Variants in ARL9 observed in about 807,000 individuals in gnomAD.
ARL9 encodes ARF like GTPase 9.
ARL9 carries 14 observed loss-of-function variants against 27.0 expected under a neutral mutation model. That is an observed-to-expected ratio of 0.52 (90% CI 0.34 to 0.81). ARL9 has a LOEUF of 0.81. Among genes scored for constraint, ARL9 ranks in the 30% least tolerant of loss-of-function variants. ARL9 has a pLI of 0.01. For missense variants in ARL9, 294 were observed against 290.0 expected (o/e 1.01, Z -0.10); for synonymous variants, 106 against 108.7 (o/e 0.98, Z 0.15).
intron 3 of ARL9, 127 bp from the exon 4 acceptor site, chr4:56,523,570 T>A (rs1234685374): frequency 1.4e-6 from 1 of 692,206 alleles, no homozygotes; most frequent in Non-Finnish European, 2.4e-6. Context: ...AATAATGGAG[T>A]CACAATAGCC....
chr4:56,518,461 G>A (rs968976663), intron 2 of ARL9, among the ~76,000 whole-genome samples: 2 of 152,184 alleles, frequency 1.3e-5, no homozygotes, highest in Non-Finnish European at 2.9e-5. Context: ...TTGTGATACA[G>A]TTATGAATGA....
intron 1 of ARL9, among the ~76,000 whole-genome samples, chr4:56,510,087 C>T (rs981152516): frequency 2.2e-4 from 34 of 151,848 alleles, no homozygotes; most frequent in African/African-American, 7.5e-4. Flanking sequence ...AGGCTGGGTG[C>T]GGTGGCTCAT....
intron 1 of ARL9, among the ~76,000 whole-genome samples, chr4:56,510,354 C>CAAAAAAAAAAAAA (rs769085578): frequency 2.7e-5 from 2 of 75,146 alleles, no homozygotes; most frequent in East Asian, 3.5e-4. Context: ...GACTCCAACT[C>CAAAAAAAAAAAAA]AAAAAAAAAA....
At chr4:56,517,621 G>A (rs1278909795) in intron 2 of ARL9, among the ~76,000 whole-genome samples, 2 of 152,000 alleles carry the variant, frequency 1.3e-5, no homozygotes, top group Non-Finnish European at 2.9e-5. Context: ...TACCTAGCGA[G>A]CTGTACAAAA....
intron 3 of ARL9, among the ~76,000 whole-genome samples, chr4:56,519,846 C>T (rs1432793711): frequency 1.3e-5 from 2 of 151,838 alleles, no homozygotes; most frequent in African/African-American, 4.8e-5. Context: ...ACGGTATGCA[C>T]ATGCAAAGGG....
chr4:56,509,850 G>C (rs940989727), intron 1 of ARL9, among the ~76,000 whole-genome samples: 1 of 151,794 alleles, frequency 6.6e-6, no homozygotes, highest in Non-Finnish European at 1.5e-5. Context: ...TGGGACTACA[G>C]GTGCCTGCCA....
At position 56,523,916 on chromosome 4, in the gene ARL9, C is replaced by T; in HGVS notation, c.*40C>T. ...ACTGTGCGGCTCACGACTGAGATGT[C>T]ATCAGTGTTGAATGGCAGGCTTGAA... On this transcript the variant is annotated 3_prime_UTR_variant, in exon 4 of 4. Coordinates refer to ENST00000640821, the MANE Select transcript of ARL9 (RefSeq NM_001363794.2). 6 of 1,560,304 alleles carry T rather than the reference C, an allele frequency of 3.8e-6. No individual in the cohort carries two copies. The highest frequency in any genetic ancestry group is 5.2e-6 in the Non-Finnish European group (6 of 1,152,432).
upstream of ARL9, chr4:56,505,717 C>T (rs549202158): frequency 2.2e-5 from 30 of 1,344,212 alleles, no homozygotes; most frequent in East Asian, 8.2e-4. Flanking sequence ...GGCGGCGGTG[C>T]CGGGGTTGGC....
chr4:56,513,299 G>T (rs1721688677), intron 2 of ARL9, among the ~76,000 whole-genome samples: 1 of 152,186 alleles, frequency 6.6e-6, no homozygotes, highest in Admixed American at 6.5e-5. Context: ...GTTGGGGATT[G>T]GTGGGAGGTG....
At position 56,511,105 on chromosome 4, in the gene ARL9, A is replaced by G; in HGVS notation, c.280-80A>G. ...TTTTATTCTGGTTACAGTTCCAAGA[A>G]TATTATTGGATTCTGCCAAGACCCA... is the stretch of plus-strand genomic sequence containing the variant. On this transcript the variant is annotated intron_variant, in intron 1 of 3. Coordinates refer to ENST00000640821, the MANE Select transcript of ARL9 (RefSeq NM_001363794.2). 3 of 1,328,470 alleles carry G rather than the reference A, an allele frequency of 2.3e-6. No individual in the cohort carries two copies. The South Asian group carries it at 4.8e-5, about 21-fold the overall frequency. The allele number at this position is 1,328,470 out of a possible 1,614,324, so 82.3% of individuals were successfully genotyped here.
chr4:56,516,896 T>G (rs1721781519), intron 2 of ARL9, among the ~76,000 whole-genome samples: 1 of 152,094 alleles, frequency 6.6e-6, no homozygotes, highest in Admixed American at 6.6e-5. Context: ...ACCACTGCCC[T>G]CCAGCCTGGA....
chr4:56,510,799 G>T (rs1291058570), intron 1 of ARL9, among the ~76,000 whole-genome samples: 2 of 148,904 alleles, frequency 1.3e-5, no homozygotes, highest in Admixed American at 6.7e-5. Context: ...TGGAGACAGG[G>T]TCTCACTCTG....
rs192409324 is a variant in ARL9 at position 56,523,715 on chromosome 4, C to T, written c.637C>T (p.His213Tyr). 1.1e-5 allele frequency: 17 copies of T among 1,613,190 alleles called. No individual in the cohort carries two copies. ...ANKQDLEAAYHITDIHEALAL... is the reference protein window; with the variant it reads ...ANKQDLEAAYYITDIHEALAL... ...GATGAAGGATCTTGAAGCAGCCTAT[C>T]ACATTACAGATATCCATGAAGCTTT... Residue 213 changes from histidine (H) to tyrosine (Y), a missense_variant, in exon 4 of 4, where the codon CAC becomes TAC. Physicochemically the swap from His to Tyr is moderately conservative, Grantham distance 83. Transcript: ENST00000640821.
chr4:56,518,973 A>G (rs1267372495), intron 3 of ARL9, 120 bp downstream of exon 3: 1 of 1,011,730 alleles, frequency 9.9e-7, no homozygotes, highest in Non-Finnish European at 1.4e-6. Context: ...TGTTTATTAG[A>G]GCTCTTGGAT....
intron 1 of ARL9, among the ~76,000 whole-genome samples, chr4:56,510,627 A>G (rs1721612041): frequency 6.6e-6 from 1 of 152,192 alleles, no homozygotes; most frequent in South Asian, 2.1e-4. Context: ...TGCTGATAGT[A>G]TAGTATTTAT....
chr4:56,518,632 T>C lies in ARL9; in HGVS notation c.443-46T>C. ...TCCCTGCTCCCTGGGTGGGTGCTTC[T>C]GTGATTTTGTGTGTGTGTGTCTTCT... On this transcript the variant is annotated intron_variant, in intron 2 of 3. Transcript: ENST00000640821. 1.9e-6 allele frequency: 3 copies of C among 1,561,782 alleles called. No individual in the cohort carries two copies. The African/African-American group carries it at 4.1e-5, about 21-fold the overall frequency.
Position 56,524,356 on chromosome 4 carries a change from C to CAA in ARL9, c.*481_*482insAA, listed in dbSNP as rs1318140557. On this transcript the variant is annotated 3_prime_UTR_variant, in exon 4 of 4. Coordinates refer to ENST00000640821, the MANE Select transcript of ARL9 (RefSeq NM_001363794.2). Reference sequence around the variant, plus strand: ...AAAGATAATGCTAACATAATAACAGCATCTCTATTTGGATTTTGAATGTTA... The same window carrying CAA: ...AAAGATAATGCTAACATAATAACAGCAAATCTCTATTTGGATTTTGAATGTTA... The CAA allele has an allele frequency of 6.5e-6, 1 of 152,932 alleles. No homozygotes were observed. The highest frequency in any genetic ancestry group is 6.5e-5 in the Admixed American group (1 of 15,350). 9.5% of individuals were successfully genotyped at this position (152,932 alleles called of 1,614,324 possible).
At position 56,515,258 on chromosome 4, in the gene ARL9, C is replaced by CA. The variant is rs199790664; in HGVS notation, c.443-3403dup. ...GGATGACAAGAGCAAAACTCCATCTCAAAAAAAAAAAAAAAAATTTGAAAA... is the reference window on the plus strand; with the variant it reads ...GGATGACAAGAGCAAAACTCCATCTCAAAAAAAAAAAAAAAAAATTTGAAAA... On this transcript the variant is annotated intron_variant, in intron 2 of 3. Coordinates refer to ENST00000640821, the MANE Select transcript of ARL9 (RefSeq NM_001363794.2). Among the ~76,000 whole-genome samples the CA allele has an allele frequency of 7.3e-3, 670 of 92,320 alleles. 5 individuals are homozygous for CA. The highest frequency in any genetic ancestry group is 0.012 in the African/African-American group (278 of 23,116). The allele number at this position is 92,320 out of a possible 152,430, so 60.6% of individuals were successfully genotyped here. A position where few individuals can be genotyped will look rare whatever the true frequency, so the allele number is the denominator to read the frequency against.
Position 56,518,734 on chromosome 4 carries a change from C to T in ARL9, c.499C>T (p.Leu167=). 1 of 1,613,972 alleles carries T rather than the reference C, an allele frequency of 6.2e-7. No individual in the cohort carries two copies. Among genetic ancestry groups the T allele is most frequent in the Non-Finnish European group, 8.5e-7 (1 of 1,179,868 alleles). The part of the protein sequence containing the change: ...YWEMYLSKGL[L]LIFVVDSADH... ...GGAAATGTACCTATCCAAGGGATTGCTGCTGATCTTTGTGGTGGATTCAGC... is the reference window on the plus strand; with the variant it reads ...GGAAATGTACCTATCCAAGGGATTGTTGCTGATCTTTGTGGTGGATTCAGC... Residue 167 remains leucine (L), a synonymous_variant, in exon 3 of 4, where the codon CTG becomes TTG. Transcript: ENST00000640821.
Sources: gnomAD v4.1 joint callset for allele counts (sites outside exome capture counted in the v4.1 genomes callset) on GRCh38, gnomAD v4.1.1 for gene constraint, MANE v1.5 for transcripts, NCBI Gene and HGNC (gene_info 2026-07-23, HGNC 2026-07-21) for gene names.